TERT: variants seen among roughly 807,000 people sequenced by gnomAD.
TERT encodes the protein telomerase catalytic subunit.
In TERT, 42 loss-of-function variants were observed where a neutral mutation model predicts 104.0. That is an observed-to-expected ratio of 0.40 (90% CI 0.32 to 0.52). TERT has a LOEUF of 0.52. Ranked by LOEUF, TERT falls within the 20% of genes least tolerant of loss-of-function variation. The pLI is 0.43. For synonymous variants in TERT, 781 were observed against 725.6 expected, an observed-to-expected ratio of 1.08 and a Z score of -1.23; for missense variants, 1,101 against 1,610.3, an observed-to-expected ratio of 0.68 and a Z score of 5.41.
intron 12 of TERT, 37 bp downstream of exon 12, chr5:1,260,437 G>T (rs747595482): frequency 3.7e-6 from 6 of 1,612,804 alleles, no homozygotes; most frequent in Middle Eastern, 1.6e-4. Context: ...CACACCTCCT[G>T]AACTCTGAAC....
rs528961668 is a variant in TERT, at chr5:1,292,862, C to T, written c.1573+451G>A. Among the ~76,000 whole-genome samples the T allele has an allele frequency of 3.9e-4, 60 of 152,334 alleles. No individual in the cohort carries two copies. Among genetic ancestry groups the T allele is most frequent in the African/African-American group, 8.2e-4 (34 of 41,576 alleles). ...CACAAACCTGCATATTGGCTGACCACGTGCACCTGCAAAACCCTTACCTCC... is the reference window on the plus strand; with the variant it reads ...CACAAACCTGCATATTGGCTGACCATGTGCACCTGCAAAACCCTTACCTCC... On this transcript the variant is annotated intron_variant, in intron 2 of 15. Transcript: ENST00000310581. The surrounding 1 kb of genome is among the most constrained non-coding windows in gnomAD (Gnocchi z 5.5).
rs138170971 is a variant in TERT at position 1,268,330 on chromosome 5, C to T, written c.2582+190G>A. Reference sequence around the variant, plus strand: ...GGACATGGCCGCTGGACAGAGCCTGCGTGGAGCCCGCAGTCCTCAGGCTGT... The same window carrying T: ...GGACATGGCCGCTGGACAGAGCCTGTGTGGAGCCCGCAGTCCTCAGGCTGT... On this transcript the variant is annotated intron_variant, in intron 9 of 15. Transcript: ENST00000310581. This position sits in a 1 kb window ranked among gnomAD's most constrained non-coding sequence, Gnocchi z 5.5. Among the ~76,000 whole-genome samples the T allele has an allele frequency of 7.9e-5, 12 of 152,356 alleles. No individual in the cohort carries two copies. Among genetic ancestry groups the T allele is most frequent in the Non-Finnish European group, 1.8e-4 (12 of 68,032 alleles).
rs986433074 is a variant in TERT at position 1,270,914 on chromosome 5, C to T, written c.2468+205G>A. Among the ~76,000 whole-genome samples, 2 of 152,206 alleles carry T rather than the reference C, an allele frequency of 1.3e-5. No homozygotes were observed. Among genetic ancestry groups the T allele is most frequent in the African/African-American group, 4.8e-5 (2 of 41,456 alleles). ...TCCAGGCCTCGTGTGGCACCTGCTC[C>T]GCTCCGGCTGCCGCAAGCCGAGCCA... On this transcript the variant is annotated intron_variant, in intron 8 of 15. Coordinates refer to ENST00000310581, the MANE Select transcript of TERT (RefSeq NM_198253.3). This position sits in a 1 kb window ranked among gnomAD's most constrained non-coding sequence, Gnocchi z 8.3.
intron 6 of TERT, 64 bp from the exon 7 acceptor site, chr5:1,272,344 G>A: frequency 7.2e-7 from 1 of 1,384,868 alleles, no homozygotes; most frequent in Non-Finnish European, 1.0e-6. Flanking sequence ...CTGGGCACTT[G>A]TTTCTTCCGA....
At position 1,286,973 on chromosome 5, in the gene TERT, G is replaced by A. The variant is rs1750532963; in HGVS notation, c.1574-4349C>T. Among the ~76,000 whole-genome samples, 2 of 152,034 alleles carry A rather than the reference G, an allele frequency of 1.3e-5. No homozygotes were observed. The highest frequency in any genetic ancestry group is 6.6e-5 in the Admixed American group (1 of 15,260). On this transcript the variant is annotated intron_variant, in intron 2 of 15. Coordinates refer to ENST00000310581, the MANE Select transcript of TERT (RefSeq NM_198253.3). The surrounding 1 kb of genome is among the most constrained non-coding windows in gnomAD (Gnocchi z 5.3). ...GCCCAGTGACCAGGAGGCAACGAGA[G>A]GATCAACACACACTCGGCAGGAAAC... is the stretch of plus-strand genomic sequence containing the variant.
chr5:1,289,064 C>T (rs1373259953), intron 2 of TERT, among the ~76,000 whole-genome samples: 8 of 152,118 alleles, frequency 5.3e-5, no homozygotes, highest in African/African-American at 1.7e-4. Context: ...AGTGAGCAAA[C>T]GCCAAGGACA....
At chr5:1,259,939 G>A (rs1366254851) in intron 12 of TERT, among the ~76,000 whole-genome samples, 1 of 150,074 alleles carries the variant, frequency 6.7e-6, no homozygotes, top group African/African-American at 2.5e-5. Flanking sequence ...ACAGGAGAGG[G>A]GGTGTGGACG....
chr5:1,291,163 C>G lies in TERT; in HGVS notation c.1573+2150G>C, dbSNP rs1200913516. The stretch of plus-strand genomic sequence containing the variant: ...GGACAGTGCCTCACTCACCCTATAC[C>G]TGGGAGGGACACCCAGGGACGGTGC... On this transcript the variant is annotated intron_variant, in intron 2 of 15. Transcript: ENST00000310581. Among the ~76,000 whole-genome samples the G allele has an allele frequency of 1.0e-4, 12 of 119,802 alleles. 1 individual carries two copies. The highest frequency in any genetic ancestry group is 4.0e-4 in the African/African-American group (12 of 30,366). The allele number at this position is 119,802 out of a possible 152,430, so 78.6% of individuals were successfully genotyped here.
rs775795705 is a variant in TERT at position 1,293,644 on chromosome 5, C to T, written c.1242G>A (p.Pro414=). 5 of 1,558,428 alleles carry T rather than the reference C, an allele frequency of 3.2e-6. No homozygotes were observed. Among genetic ancestry groups the T allele is most frequent in the African/African-American group, 1.4e-5 (1 of 73,776 alleles). Residue 414 remains proline (P), a synonymous_variant, in exon 2 of 16, where the codon CCG becomes CCA. Coordinates refer to ENST00000310581, the MANE Select transcript of TERT (RefSeq NM_198253.3). ...PYGVLLKTHC[P]LRAAVTPAAG... ...CTGCTGGGGTGACCGCAGCTCGCAG[C>T]GGGCAGTGCGTCTTGAGGAGCACCC...
In TERT at chr5:1,271,211, A is replaced by C. The variant is rs762975989; in HGVS notation, c.2383-7T>G. 6.2e-7 allele frequency: 1 copy of C among 1,609,592 alleles called. No individual in the cohort carries two copies. Among genetic ancestry groups the C allele is most frequent in the South Asian group, 1.1e-5 (1 of 90,642 alleles). On this transcript the variant is annotated splice_polypyrimidine_tract_variant and splice_region_variant and intron_variant, in intron 7 of 15. Coordinates refer to ENST00000310581, the MANE Select transcript of TERT (RefSeq NM_198253.3). ...CCTCATTCAGGGAGGAGCTCTGCGA[A>C]AGCAGACGGGAGACACATGGGAGTG...
Position 1,289,774 on chromosome 5 carries a change from C to A in TERT, c.1573+3539G>T, listed in dbSNP as rs576944419. On this transcript the variant is annotated intron_variant, in intron 2 of 15. Transcript: ENST00000310581. ...CGGGGACAGTGCCTCATTCACCCTACACGTGACAGGGACACCCGGGGACCG... is the reference window on the plus strand; with the variant it reads ...CGGGGACAGTGCCTCATTCACCCTAAACGTGACAGGGACACCCGGGGACCG... 1.2e-3 allele frequency among the ~76,000 whole-genome samples: 123 copies of A among 105,768 alleles called. 1 individual carries two copies. Among genetic ancestry groups the A allele is most frequent in the Non-Finnish European group, 2.0e-3 (106 of 53,766 alleles). 69.4% of individuals were successfully genotyped at this position (105,768 alleles called of 152,430 possible).
rs550213464 is a variant in TERT, at chr5:1,267,637, C to T, written c.2582+883G>A. ...AAGAAAATGTGGCACATATACACCACGGAATACTATGCAGTCATAAAAAAG... is the reference window on the plus strand; with the variant it reads ...AAGAAAATGTGGCACATATACACCATGGAATACTATGCAGTCATAAAAAAG... On this transcript the variant is annotated intron_variant, in intron 9 of 15. Coordinates refer to ENST00000310581, the MANE Select transcript of TERT (RefSeq NM_198253.3). 2.3e-4 allele frequency among the ~76,000 whole-genome samples: 35 copies of T among 152,288 alleles called. No individual in the cohort carries two copies. In the South Asian group the frequency reaches 2.7e-3, roughly 12 times the overall value.
rs573210043 is a variant in TERT at position 1,293,745 on chromosome 5, G to C, written c.1141C>G (p.Arg381Gly). Residue 381 changes from arginine to glycine, a missense_variant, in exon 2 of 16, where the codon CGC (arginine) becomes GGC (glycine). Arg to Gly is a moderately radical substitution (Grantham distance 125). This residue lies in a region of TERT where 504 missense variants were observed against 544.6 expected (regional missense o/e 0.93). Coordinates refer to ENST00000310581, the MANE Select transcript of TERT (RefSeq NM_198253.3). ...WMPGTPRRLP[R>G]LPQRYWQMRP... ...ATTTGCCAGTAGCGCTGGGGCAGGC[G>C]GGGCAACCTGCGGGGAGTCCCTGGC... The C allele has an allele frequency of 1.9e-6, 3 of 1,563,592 alleles. No homozygotes were observed. Among genetic ancestry groups the C allele is most frequent in the Non-Finnish European group, 2.6e-6 (3 of 1,154,378 alleles).
chr5:1,271,130 G>A lies in TERT; in HGVS notation c.2457C>T (p.Arg819=). The change falls in exon 8 of 16, where the codon CGC becomes CGT. Residue 819 remains arginine, a synonymous_variant. Coordinates refer to ENST00000310581, the MANE Select transcript of TERT (RefSeq NM_198253.3). ...GCCACCTGACTCACTTGCCCCTGAT[G>A]CGCACGGCGTGGTGGCACATGAAGC... is the stretch of plus-strand genomic sequence containing the variant. The part of the protein sequence containing the change: ...FLRFMCHHAV[R]IRGKSYVQCQ... The A allele has an allele frequency of 3.7e-6, 6 of 1,612,986 alleles. No individual in the cohort carries two copies. Among genetic ancestry groups the A allele is most frequent in the Non-Finnish European group, 5.1e-6 (6 of 1,179,958 alleles).
At chr5:1,289,380 G>T (rs62332585) in intron 2 of TERT, among the ~76,000 whole-genome samples, 5 of 49,462 alleles carry the variant, frequency 1.0e-4, no homozygotes, top group Admixed American at 2.1e-4. Flanking sequence ...CCGGGGACGG[G>T]GCCTCACTCA....
At chr5:1,254,053 A>G (rs1318124962) in intron 15 of TERT, among the ~76,000 whole-genome samples, 3 of 152,184 alleles carry the variant, frequency 2.0e-5, no homozygotes, top group African/African-American at 7.2e-5. Flanking sequence ...TCAGGACCCC[A>G]GGAGCTCAGG....
chr5:1,294,010 C>T lies in TERT; in HGVS notation c.876G>A (p.Thr292=), dbSNP rs1194175606. 2 of 1,585,238 alleles carry T rather than the reference C, an allele frequency of 1.3e-6. No homozygotes were observed. Among genetic ancestry groups the T allele is most frequent in the East Asian group, 2.3e-5 (1 of 42,766 alleles). Residue 292 remains threonine, a synonymous_variant, in exon 2 of 16, where the codon ACG becomes ACA. Transcript: ENST00000310581. ...GGCCCACGGATGGGTGGGAGTGGCG[C>T]GTGCCAGAGAGCGCACCCTCCAAAG... ...ATSLEGALSG[T]RHSHPSVGRQ... is the part of the protein sequence containing the mutation.
At position 1,293,950 on chromosome 5, in the gene TERT, C is replaced by T. The variant is rs1207164857; in HGVS notation, c.936G>A (p.Arg312=). The change falls in exon 2 of 16, where the codon CGG becomes CGA. Residue 312 remains arginine, a synonymous_variant. Coordinates refer to ENST00000310581, the MANE Select transcript of TERT (RefSeq NM_198253.3). ...QHHAGPPSTS[R]PPRPWDTPCP... is the part of the protein sequence containing the mutation. Reference sequence around the variant, plus strand: ...AAGGCGTGTCCCAGGGACGTGGTGGCCGCGATGTGGATGGGGGGCCCGCGT... The same window carrying T: ...AAGGCGTGTCCCAGGGACGTGGTGGTCGCGATGTGGATGGGGGGCCCGCGT... The T allele has an allele frequency of 9.7e-6, 15 of 1,548,336 alleles. No homozygotes were observed. The highest frequency in any genetic ancestry group is 1.3e-5 in the Non-Finnish European group (15 of 1,149,722).
chr5:1,278,201 C>A (rs577104303), intron 6 of TERT, among the ~76,000 whole-genome samples: 4 of 152,302 alleles, frequency 2.6e-5, no homozygotes, highest in African/African-American at 9.6e-5. Context: ...ATGTGGAGCT[C>A]CCCAAACCAG....
Sources: allele counts gnomAD v4.1 joint callset (sites outside exome capture counted in the v4.1 genomes callset), GRCh38; gene constraint gnomAD v4.1.1; regional missense constraint gnomAD v4.1.1; non-coding constraint Gnocchi (gnomAD v3.1); transcripts MANE v1.5; gene names NCBI Gene and HGNC (gene_info 2026-07-23, HGNC 2026-07-21).